Variants in NCAPD2 observed in about 807,000 individuals in gnomAD.
NCAPD2 encodes condensin complex subunit 1.
In NCAPD2, 100 loss-of-function variants were observed where a neutral mutation model predicts 164.5. The observed-to-expected ratio is 0.61, with a 90% confidence interval of 0.52 to 0.72. The LOEUF (loss-of-function observed/expected upper bound fraction) is 0.72. Among genes scored for constraint, NCAPD2 ranks in the 30% least tolerant of loss-of-function variants. NCAPD2 has a pLI of 0.00. For synonymous variants in NCAPD2, 585 were observed against 642.6 expected, an observed-to-expected ratio of 0.91 and a Z score of 1.36; for missense variants, 1,560 against 1,749.2, an observed-to-expected ratio of 0.89 and a Z score of 1.93.
Position 6,528,991 on chromosome 12 carries a change from C to G in NCAPD2, c.3524C>G (p.Ser1175Ter). Reference sequence around the variant, plus strand: ...CTTCCAGATATCATCAGCCGCCTGTCAGACCCCGAGCTGGGGGTGGAGGAA... The same window carrying G: ...CTTCCAGATATCATCAGCCGCCTGTGAGACCCCGAGCTGGGGGTGGAGGAA... Reference protein sequence around the residue: ...NLLPDIISRLSDPELGVEEEP... With the variant: ...NLLPDIISRL Residue 1175 changes from serine to a stop codon, truncating the protein, a stop_gained, in exon 27 of 32, where the codon TCA becomes TGA. Coordinates refer to ENST00000315579, the MANE Select transcript of NCAPD2 (RefSeq NM_014865.4). LOFTEE classifies it high-confidence loss of function. This position sits in a 1 kb window ranked among gnomAD's most constrained non-coding sequence, Gnocchi z 5.1. 6.2e-7 allele frequency: 1 copy of G among 1,613,660 alleles called. No individual in the cohort carries two copies. The highest frequency in any genetic ancestry group is 8.5e-7 in the Non-Finnish European group (1 of 1,180,024).
Position 6,523,298 on chromosome 12 carries a change from G to A in NCAPD2, c.2166G>A (p.Leu722=), listed in dbSNP as rs756705465. ...AGGCTTTGATTCAGAATCTCTCTCT[G>A]CTGCTAGTGGATGCCTCGGTTGGGA... ...KAQALIQNLS[L]LLVDASVGTI... The change falls in exon 17 of 32, where the codon CTG becomes CTA. Residue 722 remains leucine, a synonymous_variant. Transcript: ENST00000315579. 4 of 1,614,084 alleles carry A rather than the reference G, an allele frequency of 2.5e-6. No individual in the cohort carries two copies. The South Asian group carries it at 4.4e-5, about 18-fold the overall frequency.
intron 2 of NCAPD2, among the ~76,000 whole-genome samples, chr12:6,501,688 G>A (rs998800816): frequency 6.6e-6 from 1 of 152,222 alleles, no homozygotes; most frequent in Non-Finnish European, 1.5e-5. Context: ...TGCAGTGAGT[G>A]TAGATGGAGA....
chr12:6,514,301 T>A lies in NCAPD2; in HGVS notation c.624T>A (p.Asn208Lys). 1 of 1,614,150 alleles carries A rather than the reference T, an allele frequency of 6.2e-7. No individual in the cohort carries two copies. Among genetic ancestry groups the A allele is most frequent in the Non-Finnish European group, 8.5e-7 (1 of 1,180,026 alleles). Residue 208 changes from asparagine (N) to lysine (K), a missense_variant, in exon 7 of 32, where the codon AAT (asparagine) becomes AAA (lysine). Coordinates refer to ENST00000315579, the MANE Select transcript of NCAPD2 (RefSeq NM_014865.4). Reference protein sequence around the residue: ...VTGCCYRLLENPTINHQKNRP... With the variant: ...VTGCCYRLLEKPTINHQKNRP... ...GCTGTTGCTACCGCCTTCTGGAGAA[T>A]CCCACCATTAATCACCAGAAGAACC...
At chr12:6,503,538 G>A (rs559240523) in intron 2 of NCAPD2, among the ~76,000 whole-genome samples, 30 of 152,212 alleles carry the variant, frequency 2.0e-4, no homozygotes, top group African/African-American at 5.5e-4. Context: ...TTGGGAGGCC[G>A]AGGCGGGCAG....
intron 6 of NCAPD2, among the ~76,000 whole-genome samples, chr12:6,513,715 C>CTTTTTTTGTTTTTTTTTT (rs1946172066): frequency 1.3e-5 from 1 of 74,894 alleles, no homozygotes; most frequent in Non-Finnish European, 2.5e-5. Flanking sequence ...GTGACTTTGT[C>CTTTTTTTGTTTTTTTTTT]TTTTTTTTTT....
chr12:6,529,486 G>T, intron 27 of NCAPD2, 27 bp from the exon 28 acceptor site: 1 of 1,605,390 alleles, frequency 6.2e-7, no homozygotes, highest in South Asian at 1.1e-5. Context: ...CTGGGCCATC[G>T]AACATCCTCA....
At chr12:6,509,628 A>C in intron 2 of NCAPD2, 89 bp from the exon 3 acceptor site, 1 of 1,174,648 alleles carries the variant, frequency 8.5e-7, no homozygotes, top group Non-Finnish European at 1.3e-6. Flanking sequence ...TACCAATAAA[A>C]GCAATAAACC....
intron 13 of NCAPD2, among the ~76,000 whole-genome samples, 200 bp from the exon 14 acceptor site, chr12:6,520,786 T>C (rs973767886): frequency 1.3e-5 from 2 of 152,210 alleles, no homozygotes; most frequent in African/African-American, 4.8e-5. Flanking sequence ...TGTTTGCAGA[T>C]GAGCAGTCAG....
rs77207431 is a variant in NCAPD2 at position 6,520,717 on chromosome 12, C to G, written c.1590-269C>G. 9.1e-3 allele frequency among the ~76,000 whole-genome samples: 1,381 copies of G among 152,070 alleles called. 11 individuals carry two copies. The highest frequency in any genetic ancestry group is 0.031 in the African/African-American group (1,284 of 41,448). ...TTATGATTTTAAAACTTTAAAAAGC[C>G]TTATTGGAGTTTTTTTGAAGACTGT... On this transcript the variant is annotated intron_variant, in intron 13 of 31. Coordinates refer to ENST00000315579, the MANE Select transcript of NCAPD2 (RefSeq NM_014865.4).
intron 10 of NCAPD2, 27 bp downstream of exon 10, chr12:6,517,052 A>G (rs377401841): frequency 7.5e-6 from 12 of 1,608,296 alleles, no homozygotes; most frequent in African/African-American, 5.3e-5. Flanking sequence ...TGGCAAAAAC[A>G]TATGGTACCT....
At chr12:6,525,853 A>C (rs1399207625) in intron 18 of NCAPD2, 137 bp downstream of exon 18, 2 of 1,320,312 alleles carry the variant, frequency 1.5e-6, no homozygotes, top group Non-Finnish European at 2.0e-6. Context: ...CTAAATGGAA[A>C]AGCAAATAGT....
At position 6,530,689 on chromosome 12, in the gene NCAPD2, A is replaced by T; in HGVS notation, c.3838-2A>T. The T allele has an allele frequency of 6.2e-7, 1 of 1,613,952 alleles. No homozygotes were observed. Among genetic ancestry groups the T allele is most frequent in the Non-Finnish European group, 8.5e-7 (1 of 1,179,968 alleles). Reference sequence around the variant, plus strand: ...GCTCTGAATCTCCTTTTCTCCCTCCAGGCTATAATAGATGAATTTGAGCAG... The same window carrying T: ...GCTCTGAATCTCCTTTTCTCCCTCCTGGCTATAATAGATGAATTTGAGCAG... On this transcript the variant is annotated splice_acceptor_variant, in intron 29 of 31. Transcript: ENST00000315579. LOFTEE classifies it high-confidence loss of function.
intron 2 of NCAPD2, among the ~76,000 whole-genome samples, chr12:6,504,377 CAT>C (rs1335324169): frequency 6.6e-6 from 1 of 151,464 alleles, no homozygotes; most frequent in East Asian, 1.9e-4. Context: ...TTACAAGTAA[CAT>C]AACAGTTTTT....
chr12:6,495,041 T>A, intron 1 of NCAPD2, 35 bp from the exon 2 acceptor site: 1 of 1,608,096 alleles, frequency 6.2e-7, no homozygotes, highest in East Asian at 2.2e-5. Context: ...AGGTCTTGAA[T>A]ATAGACCCTG....
At position 6,531,251 on chromosome 12, in the gene NCAPD2, C is replaced by T. The variant is rs968643444; in HGVS notation, c.4121-76C>T. On this transcript the variant is annotated intron_variant, in intron 31 of 31. Coordinates refer to ENST00000315579, the MANE Select transcript of NCAPD2 (RefSeq NM_014865.4). This position sits in a 1 kb window ranked among gnomAD's most constrained non-coding sequence, Gnocchi z 4.1. ...TCTTCTGTGCGGTGTGGGATTGTCT[C>T]ACTTGTTCTCTGATATCTATTTTTT... 1.3e-6 allele frequency: 2 copies of T among 1,517,954 alleles called. No homozygotes were observed. Among genetic ancestry groups the T allele is most frequent in the African/African-American group, 2.8e-5 (2 of 72,696 alleles). 94.0% of individuals were successfully genotyped at this position (1,517,954 alleles called of 1,614,324 possible).
At position 6,514,606 on chromosome 12, in the gene NCAPD2, A is replaced by C; in HGVS notation, c.839+19A>C. The C allele has an allele frequency of 6.2e-7, 1 of 1,614,038 alleles. No homozygotes were observed. The highest frequency in any genetic ancestry group is 8.5e-7 in the Non-Finnish European group (1 of 1,179,934). ...TTGTAAGGTGACTCTTCCTTCTCGA[A>C]GTTTCTCATGCTTATTTTCCTTGGG... On this transcript the variant is annotated intron_variant, in intron 8 of 31. Coordinates refer to ENST00000315579, the MANE Select transcript of NCAPD2 (RefSeq NM_014865.4).
chr12:6,510,182 G>A (rs1486983581), intron 4 of NCAPD2, 49 bp downstream of exon 4: 1 of 1,527,548 alleles, frequency 6.5e-7, no homozygotes, highest in Non-Finnish European at 9.1e-7. Flanking sequence ...GTTATCGTTT[G>A]TTTGTTTGTC....
chr12:6,510,408 G>C (rs1366387380), intron 4 of NCAPD2: 1 of 788,552 alleles, frequency 1.3e-6, no homozygotes, highest in Non-Finnish European at 2.3e-6. Context: ...GATTCTTCCA[G>C]TTGCTGGAGA....
chr12:6,530,239 G>A (rs1249630452), intron 29 of NCAPD2, among the ~76,000 whole-genome samples: 3 of 152,186 alleles, frequency 2.0e-5, no homozygotes, highest in Non-Finnish European at 4.4e-5. Context: ...AAGCAAAATT[G>A]AGCAGAAAGT....
Sources: gnomAD v4.1 joint callset for allele counts (sites outside exome capture counted in the v4.1 genomes callset) on GRCh38, gnomAD v4.1.1 for gene constraint, Gnocchi (gnomAD v3.1) non-coding constraint, MANE v1.5 for transcripts, NCBI Gene and HGNC (gene_info 2026-07-23, HGNC 2026-07-21) for gene names.